Variants in UBAP1 observed in about 807,000 individuals in gnomAD.
UBAP1 encodes ubiquitin-associated protein 1.
UBAP1 carries 5 observed loss-of-function variants against 39.0 expected under a neutral mutation model. That is an observed-to-expected ratio of 0.13 (90% CI 0.07 to 0.27). The LOEUF (loss-of-function observed/expected upper bound fraction) is 0.27. UBAP1 is among the 10% of genes least tolerant of loss of function. The pLI, the probability that UBAP1 is intolerant of heterozygous loss-of-function variation, is 1.00. For missense variants in UBAP1, 490 were observed against 608.1 expected (o/e 0.81, Z 2.04); for synonymous variants, 211 against 225.1 (o/e 0.94, Z 0.56).
rs1832907137 is a variant in UBAP1, at chr9:34,224,055, C to CT, written c.34+3108dup. 8.0e-5 allele frequency: 45 copies of CT among 563,142 alleles called. No homozygotes were observed. The South Asian group carries it at 1.2e-3, about 15-fold the overall frequency. 34.9% of individuals were successfully genotyped at this position (563,142 alleles called of 1,614,324 possible). A position where few individuals can be genotyped will look rare whatever the true frequency, so the allele number is the denominator to read the frequency against. On this transcript the variant is annotated intron_variant, in intron 2 of 6. Coordinates refer to ENST00000297661, the MANE Select transcript of UBAP1 (RefSeq NM_016525.5). ...TCCTTCCCCTCTAGCACATAGCCGT[C>CT]TGTTTGGCCACACTGTCCCGGCCTT...
Position 34,216,195 on chromosome 9 carries a change from T to G in UBAP1, c.-7-4713T>G, listed in dbSNP as rs1021963992. On this transcript the variant is annotated intron_variant, in intron 1 of 6. Transcript: ENST00000297661. ...AATTTTTTTCTGCCATTTTTTTTTT[T>G]GTAATTTAATTTAAAAAAAAACTTA... Among the ~76,000 whole-genome samples the G allele has an allele frequency of 4.1e-4, 60 of 147,510 alleles. 1 individual carries two copies. Among genetic ancestry groups the G allele is most frequent in the African/African-American group, 1.3e-3 (53 of 40,300 alleles).
chr9:34,209,398 C>T (rs549956836), intron 1 of UBAP1, among the ~76,000 whole-genome samples: 1 of 152,278 alleles, frequency 6.6e-6, no homozygotes, highest in East Asian at 1.9e-4. Flanking sequence ...TAGATTAGAG[C>T]TAAATTAGAT....
intron 1 of UBAP1, among the ~76,000 whole-genome samples, chr9:34,188,411 C>T (rs1227225608): frequency 7.4e-6 from 1 of 134,820 alleles, no homozygotes; most frequent in Non-Finnish European, 1.6e-5. Flanking sequence ...GAATGCTAAA[C>T]TTAGTCTTCA....
chr9:34,218,646 C>G (rs1027968528), intron 1 of UBAP1, among the ~76,000 whole-genome samples: 1 of 152,142 alleles, frequency 6.6e-6, no homozygotes, highest in Non-Finnish European at 1.5e-5. Context: ...AGAAGTCTCA[C>G]TGTGAGACCG....
intron 4 of UBAP1, among the ~76,000 whole-genome samples, chr9:34,246,880 T>C (rs1293235087): frequency 6.6e-6 from 1 of 152,246 alleles, no homozygotes; most frequent in East Asian, 1.9e-4. Context: ...TGGAAAGATT[T>C]CATAATAATT....
intron 3 of UBAP1, 50 bp downstream of exon 3, chr9:34,234,390 G>GT: frequency 6.5e-7 from 1 of 1,546,272 alleles, no homozygotes. Flanking sequence ...AGTTTAAAGA[G>GT]TAAGAATTTG....
rs371763630 is a variant in UBAP1 at position 34,210,216 on chromosome 9, C to T, written c.-7-10692C>T. ...TTGGCCTTCCATTTTCAGCCAAGTA[C>T]GCCGATGTGCAGCGGACAGTAATAA... is the stretch of plus-strand genomic sequence containing the variant. On this transcript the variant is annotated intron_variant, in intron 1 of 6. Coordinates refer to ENST00000297661, the MANE Select transcript of UBAP1 (RefSeq NM_016525.5). 2.1e-4 allele frequency among the ~76,000 whole-genome samples: 32 copies of T among 152,110 alleles called. No individual in the cohort carries two copies. In the South Asian group the frequency reaches 5.0e-3, roughly 24 times the overall value.
chr9:34,215,956 G>A lies in UBAP1; in HGVS notation c.-7-4952G>A, dbSNP rs533449815. Among the ~76,000 whole-genome samples, 4 of 151,612 alleles carry A rather than the reference G, an allele frequency of 2.6e-5. No individual in the cohort carries two copies. The East Asian group carries it at 7.8e-4, about 29-fold the overall frequency. The stretch of plus-strand genomic sequence containing the variant: ...GACTGTGGAAAATAATATATAATAT[G>A]GGAAAAAAATATTTTATCAGCTCTA... On this transcript the variant is annotated intron_variant, in intron 1 of 6. Transcript: ENST00000297661.
At chr9:34,198,588 C>T (rs964646387) in intron 1 of UBAP1, among the ~76,000 whole-genome samples, 3 of 152,142 alleles carry the variant, frequency 2.0e-5, no homozygotes, top group African/African-American at 7.2e-5. Context: ...TGGTTGGGCT[C>T]TCTGGTTGGG....
chr9:34,199,458 G>A (rs1040096748), intron 1 of UBAP1, among the ~76,000 whole-genome samples: 8 of 152,092 alleles, frequency 5.3e-5, no homozygotes, highest in African/African-American at 1.9e-4. Flanking sequence ...TGTAGAGATA[G>A]TACAGAGAGT....
chr9:34,180,378 G>A (rs1302397329), intron 1 of UBAP1, among the ~76,000 whole-genome samples: 2 of 151,998 alleles, frequency 1.3e-5, no homozygotes, highest in Admixed American at 6.6e-5. Flanking sequence ...CGTGGTGGCA[G>A]GCGCCTGTAA....
chr9:34,180,185 T>C (rs1010504295), intron 1 of UBAP1, among the ~76,000 whole-genome samples: 1 of 152,178 alleles, frequency 6.6e-6, no homozygotes. Flanking sequence ...TTTAGTGATA[T>C]ATAGTTCTTT....
intron 1 of UBAP1, among the ~76,000 whole-genome samples, chr9:34,184,131 T>C (rs1340095309): frequency 6.6e-6 from 1 of 152,092 alleles, no homozygotes; most frequent in African/African-American, 2.4e-5. Context: ...AGTAGTGCTC[T>C]TCCAACCTGT....
At chr9:34,212,392 AACACACACACACACACAC>A (rs35251034) in intron 1 of UBAP1, among the ~76,000 whole-genome samples, 2 of 142,170 alleles carry the variant, frequency 1.4e-5, no homozygotes, top group Admixed American at 7.3e-5. Context: ...TTTCTATTAA[AACACACACACACACACAC>A]ACACACACAC....
intron 1 of UBAP1, among the ~76,000 whole-genome samples, chr9:34,196,938 T>G (rs1022274873): frequency 4.0e-4 from 37 of 93,128 alleles, no homozygotes; most frequent in Non-Finnish European, 6.5e-4. Context: ...GTGTGTGTGT[T>G]TTTAATTGAG....
At chr9:34,234,655 T>C (rs1587868768) in intron 3 of UBAP1, among the ~76,000 whole-genome samples, 1 of 151,928 alleles carries the variant, frequency 6.6e-6, no homozygotes, top group African/African-American at 2.4e-5. Flanking sequence ...ATATATATAT[T>C]CCTATCACAT....
intron 1 of UBAP1, among the ~76,000 whole-genome samples, chr9:34,186,903 T>A (rs1830435697): frequency 6.6e-6 from 1 of 151,640 alleles, no homozygotes; most frequent in Non-Finnish European, 1.5e-5. Context: ...TGTTTTTTTT[T>A]ATTTTTTATT....
rs1229130533 is a variant in UBAP1 at position 34,252,383 on chromosome 9, GTC to G, written c.*857_*858del. The G allele has an allele frequency of 3.3e-5, 5 of 152,626 alleles. No individual in the cohort carries two copies. The highest frequency in any genetic ancestry group is 7.3e-5 in the Non-Finnish European group (5 of 68,046). The allele number at this position is 152,626 out of a possible 1,614,324, so 9.5% of individuals were successfully genotyped here. On this transcript the variant is annotated 3_prime_UTR_variant, in exon 7 of 7. Transcript: ENST00000297661. Reference sequence around the variant, plus strand: ...GAATAACACCTAGTCATAGAAATCAGTCTCTCTGGTTTGTTTTGTATTATGTT... The same window carrying G: ...GAATAACACCTAGTCATAGAAATCAGTCTCTGGTTTGTTTTGTATTATGTT...
intron 1 of UBAP1, among the ~76,000 whole-genome samples, chr9:34,196,303 C>T (rs1831050199): frequency 9.3e-6 from 1 of 107,478 alleles, no homozygotes; most frequent in African/African-American, 3.5e-5. Flanking sequence ...CTAAGCTTGG[C>T]TAATTAAAAA....
Sources: allele counts gnomAD v4.1 joint callset (sites outside exome capture counted in the v4.1 genomes callset), GRCh38; gene constraint gnomAD v4.1.1; transcripts MANE v1.5; gene names NCBI Gene and HGNC (gene_info 2026-07-23, HGNC 2026-07-21).